Variants in PTDSS2 observed in about 807,000 individuals in gnomAD.
PTDSS2 encodes the protein PSS-2.
PTDSS2 carries 41 observed loss-of-function variants against 64.7 expected under a neutral mutation model. That is an observed-to-expected ratio of 0.63 (90% confidence interval 0.49 to 0.82). PTDSS2 has a LOEUF of 0.82. Ranked by LOEUF, PTDSS2 falls within the 40% of genes least tolerant of loss-of-function variation. The pLI is 0.00. For missense variants in PTDSS2, 485 were observed against 650.0 expected (o/e 0.75, Z 2.76); for synonymous variants, 297 against 277.8 (o/e 1.07, Z -0.69).
At chr11:477,457 C>T (rs1038906871) in intron 3 of PTDSS2, among the ~76,000 whole-genome samples, 3 of 152,068 alleles carry the variant, frequency 2.0e-5, no homozygotes. Flanking sequence ...CTCCGGGAAG[C>T]GACCCAGGAA....
chr11:465,757 C>CCT (rs1847111757), intron 2 of PTDSS2, among the ~76,000 whole-genome samples: 1 of 150,488 alleles, frequency 6.6e-6, no homozygotes, highest in Non-Finnish European at 1.5e-5. Flanking sequence ...AGGACCACCC[C>CCT]CCCCCCATCT....
chr11:478,967 C>T (rs1209530535), intron 3 of PTDSS2, 118 bp from the exon 4 acceptor site: 1 of 737,478 alleles, frequency 1.4e-6, no homozygotes, highest in Non-Finnish European at 2.4e-6. Context: ...CTCCCAGGGG[C>T]CTGTGAAGGG....
chr11:451,689 T>C (rs2133745661), intron 1 of PTDSS2, among the ~76,000 whole-genome samples: 1 of 151,290 alleles, frequency 6.6e-6, no homozygotes, highest in East Asian at 1.9e-4. Flanking sequence ...GATGGAGGAG[T>C]AAGGGACTTG....
At chr11:465,322 C>T (rs1590630475) in intron 2 of PTDSS2, among the ~76,000 whole-genome samples, 1 of 152,218 alleles carries the variant, frequency 6.6e-6, no homozygotes, top group South Asian at 2.1e-4. Flanking sequence ...TCCCAAGGAG[C>T]TAGGACTACC....
At chr11:451,946 C>T (rs1049431536) in intron 1 of PTDSS2, among the ~76,000 whole-genome samples, 2 of 152,136 alleles carry the variant, frequency 1.3e-5, no homozygotes, top group Non-Finnish European at 2.9e-5. Context: ...GGGTGCCTGC[C>T]ACGTGGACCC....
chr11:452,779 C>T (rs534738467), intron 1 of PTDSS2, among the ~76,000 whole-genome samples: 2 of 152,328 alleles, frequency 1.3e-5, no homozygotes, highest in Admixed American at 6.5e-5. Context: ...GAATTCATTA[C>T]CTGCAGAGCC....
At chr11:453,470 T>C (rs185005374) in intron 1 of PTDSS2, among the ~76,000 whole-genome samples, 5 of 152,292 alleles carry the variant, frequency 3.3e-5, no homozygotes, top group Non-Finnish European at 7.4e-5. Flanking sequence ...TATTGTATGC[T>C]TGTGTCTTGG....
At chr11:483,427 T>C (rs12790188) in intron 4 of PTDSS2, among the ~76,000 whole-genome samples, 5,052 of 148,598 alleles carry the variant, frequency 0.034, 290 homozygotes, top group African/African-American at 0.12. Context: ...ATCTCCCTAC[T>C]GAGGGGAGAA....
At chr11:457,537 G>T (rs1257333934) in intron 1 of PTDSS2, among the ~76,000 whole-genome samples, 2 of 152,234 alleles carry the variant, frequency 1.3e-5, no homozygotes. Context: ...CTCCCAAGGG[G>T]CGTGTCTTTG....
intron 1 of PTDSS2, among the ~76,000 whole-genome samples, chr11:452,597 G>T (rs1590599330): frequency 6.6e-6 from 1 of 152,208 alleles, no homozygotes; most frequent in Admixed American, 6.5e-5. Flanking sequence ...GGCTGGTCCA[G>T]GTACCTCCTT....
At chr11:487,530 G>C in intron 6 of PTDSS2, 60 bp downstream of exon 6, 1 of 1,505,774 alleles carries the variant, frequency 6.6e-7, no homozygotes. Context: ...CGTGGGCTCT[G>C]GACCGTTTCT....
rs374557006 is a variant in PTDSS2 at position 479,051 on chromosome 11, G to A, written c.368-34G>A. The A allele has an allele frequency of 3.7e-5, 59 of 1,597,590 alleles. No homozygotes were observed. Among genetic ancestry groups the A allele is most frequent in the African/African-American group, 3.4e-4 (25 of 74,608 alleles). On this transcript the variant is annotated intron_variant, in intron 3 of 11. Transcript: ENST00000308020. This position sits in a 1 kb window ranked among gnomAD's most constrained non-coding sequence, Gnocchi z 4.2. ...GAGCGGGGCCGTGGAGGCCTGGACC[G>A]GGCGCACTAACGTTCTGTCGTCTGT...
At chr11:457,879 C>G (rs1056506) in intron 1 of PTDSS2, among the ~76,000 whole-genome samples, 25 of 152,276 alleles carry the variant, frequency 1.6e-4, no homozygotes, top group African/African-American at 6.0e-4. Flanking sequence ...ACCTGCAGTG[C>G]GTGAGCATCT....
rs753445706 is a variant in PTDSS2, at chr11:489,532, C to T, written c.969+18C>T. ...TCCTGGTGGTAAGGCCGGGCTGCCT[C>T]GCGACGGCGCGGCGGGCGGGGGGCC... On this transcript the variant is annotated intron_variant, in intron 9 of 11. Coordinates refer to ENST00000308020, the MANE Select transcript of PTDSS2 (RefSeq NM_030783.3). 1.2e-5 allele frequency: 19 copies of T among 1,610,576 alleles called. No homozygotes were observed. The highest frequency in any genetic ancestry group is 6.7e-5 in the African/African-American group (5 of 74,850).
chr11:459,017 C>T (rs1301289091), intron 1 of PTDSS2: 1 of 152,378 alleles, frequency 6.6e-6, no homozygotes, highest in African/African-American at 2.4e-5. Flanking sequence ...TCTCCAAGGA[C>T]ACACTCCAGT....
chr11:488,226 T>G lies in PTDSS2; in HGVS notation c.649T>G (p.Cys217Gly), dbSNP rs747770965. ...KTLMIRDWWM[C>G]MIISVMFEFL... ...CCTGATGATCCGAGACTGGTGGATG[T>G]GCATGATCATCAGCGTGATGTTCGA... The change falls in exon 7 of 12, where the codon TGC becomes GGC. Residue 217 changes from cysteine (C) to glycine (G), a missense_variant. Cys to Gly is a radical substitution (Grantham distance 159). Transcript: ENST00000308020. 5.0e-6 allele frequency: 8 copies of G among 1,613,272 alleles called. No homozygotes were observed. In the East Asian group the frequency reaches 1.6e-4, roughly 31 times the overall value.
In PTDSS2 at chr11:491,199, C is replaced by T. The variant is rs1410757428; in HGVS notation, c.*617C>T. 2 of 154,398 alleles carry T rather than the reference C, an allele frequency of 1.3e-5. No individual in the cohort carries two copies. Among genetic ancestry groups the T allele is most frequent in the South Asian group, 2.0e-4 (1 of 4,976 alleles). The allele number at this position is 154,398 out of a possible 1,614,324, so 9.6% of individuals were successfully genotyped here. A position where few individuals can be genotyped will look rare whatever the true frequency, so the allele number is the denominator to read the frequency against. On this transcript the variant is annotated 3_prime_UTR_variant, in exon 12 of 12. Transcript: ENST00000308020. ...GGCAGCGATGCTGAGCCACCTCCTCCGAGCCTTCCTTTCACACAGACCACC... is the reference window on the plus strand; with the variant it reads ...GGCAGCGATGCTGAGCCACCTCCTCTGAGCCTTCCTTTCACACAGACCACC...
At position 488,515 on chromosome 11, in the gene PTDSS2, G is replaced by GC. The variant is rs920303916; in HGVS notation, c.736-10dup. On this transcript the variant is annotated splice_polypyrimidine_tract_variant and intron_variant, in intron 7 of 11. Transcript: ENST00000308020. ...CCCCTCACCCCTGCAACGAGTGCTGGCCCCTCCCTGCAGTGGATCATGGAC... is the reference window on the plus strand; with the variant it reads ...CCCCTCACCCCTGCAACGAGTGCTGGCCCCCTCCCTGCAGTGGATCATGGAC... 6.2e-7 allele frequency: 1 copy of GC among 1,604,440 alleles called. No homozygotes were observed. The highest frequency in any genetic ancestry group is 1.7e-5 in the Admixed American group (1 of 60,012).
At chr11:449,352 G>A (rs1238364359), upstream of PTDSS2, among the ~76,000 whole-genome samples, 3 of 152,228 alleles carry the variant, frequency 2.0e-5, no homozygotes, top group Non-Finnish European at 4.4e-5. Flanking sequence ...ACAGGCGTGC[G>A]CCGCCGCGCC....
Sources: gnomAD v4.1 joint callset for allele counts (sites outside exome capture counted in the v4.1 genomes callset) on GRCh38, gnomAD v4.1.1 for gene constraint, Gnocchi (gnomAD v3.1) non-coding constraint, MANE v1.5 for transcripts, NCBI Gene and HGNC (gene_info 2026-07-23, HGNC 2026-07-21) for gene names.